Variants in EPS8L2 observed in about 807,000 individuals in gnomAD.
The protein encoded by EPS8L2 is EPS8 signaling adaptor L2, also known as epidermal growth factor receptor kinase substrate 8-like protein 2.
A neutral mutation model predicts 99.4 loss-of-function variants in EPS8L2; 81 were observed. That is an observed-to-expected ratio of 0.82 (90% CI 0.68 to 0.98). The LOEUF (loss-of-function observed/expected upper bound fraction) is 0.98, where lower values mean the gene tolerates loss of function less well. Ranked by LOEUF, EPS8L2 falls within the 50% of genes least tolerant of loss-of-function variation. The probability of loss-of-function intolerance (pLI) is 0.00; values close to 1 mark genes in which losing one functional copy is unlikely to be tolerated. For missense variants in EPS8L2, 1,155 were observed against 968.8 expected (o/e 1.19, Z -2.55); for synonymous variants, 509 against 407.3 (o/e 1.25, Z -3.01).
At position 709,449 on chromosome 11, in the gene EPS8L2, C is replaced by A. The variant is rs568821204; in HGVS notation, c.42C>A (p.Thr14=). 6.3e-7 allele frequency: 1 copy of A among 1,598,794 alleles called. No individual in the cohort carries two copies. The highest frequency in any genetic ancestry group is 2.3e-5 in the East Asian group (1 of 43,918). The change falls in exon 2 of 21, where the codon ACC becomes ACA. Residue 14 remains threonine, a splice_region_variant and synonymous_variant. Coordinates refer to ENST00000318562, the MANE Select transcript of EPS8L2 (RefSeq NM_022772.4). ...CCGTGAGCTGCTGCCCGGGTGCCAC[C>A]AAGTGAGCCCTCCCACCCATCCCGA... The part of the protein sequence containing the change: ...SGAVSCCPGA[T]NGSLGRSDGV...
intron 12 of EPS8L2, 114 bp downstream of exon 12, chr11:722,279 C>G (rs1051785337): frequency 6.5e-7 from 1 of 1,531,278 alleles, no homozygotes; most frequent in Admixed American, 1.7e-5. Context: ...GCCCGGTTCA[C>G]GCTGTGTGGC....
intron 4 of EPS8L2, among the ~76,000 whole-genome samples, chr11:718,540 A>G (rs964509605): frequency 2.0e-5 from 3 of 148,846 alleles, no homozygotes; most frequent in Non-Finnish European, 3.0e-5. Context: ...GGCTCAGTGC[A>G]GTGGCACGAA....
chr11:723,663 G>A (rs1862248823), intron 15 of EPS8L2, among the ~76,000 whole-genome samples: 1 of 152,090 alleles, frequency 6.6e-6, no homozygotes, highest in South Asian at 2.1e-4. Context: ...CCAAACACTG[G>A]CACCCTGTTG....
At chr11:723,209 T>G in intron 14 of EPS8L2, 32 bp from the exon 15 acceptor site, 6 of 1,186,422 alleles carry the variant, frequency 5.1e-6, no homozygotes, top group Non-Finnish European at 7.4e-6. Flanking sequence ...CCCCGCCCCA[T>G]GTCTAACTCA....
At chr11:721,248 G>GT in intron 8 of EPS8L2, 37 bp from the exon 9 acceptor site, 1 of 1,538,262 alleles carries the variant, frequency 6.5e-7, no homozygotes. Context: ...GGCTCGTTGT[G>GT]GGGGGCTCGG....
intron 4 of EPS8L2, among the ~76,000 whole-genome samples, chr11:717,234 C>CA (rs762461846): frequency 6.6e-6 from 1 of 152,298 alleles, no homozygotes; most frequent in Non-Finnish European, 1.5e-5. Context: ...CTTGGCCTCC[C>CA]AAAGTGCTGG....
At position 722,780 on chromosome 11, in the gene EPS8L2, G is replaced by A; in HGVS notation, c.1316G>A (p.Gly439Glu). ...CAGGAGGCCCCCTGGGAGGTGGAGG[G>A]GCTGGCGTCTGCCCCCATCGAGGAG... ...VLQEAPWEVE[G>E]LASAPIEEVS... The change falls in exon 14 of 21, where the codon GGG (glycine) becomes GAG (glutamate). Residue 439 changes from glycine (G) to glutamate (E), a missense_variant. Transcript: ENST00000318562. 1 of 1,593,578 alleles carries A rather than the reference G, an allele frequency of 6.3e-7. No homozygotes were observed. Among genetic ancestry groups the A allele is most frequent in the Non-Finnish European group, 8.5e-7 (1 of 1,172,256 alleles).
chr11:726,671 AAGG>A lies in EPS8L2; in HGVS notation c.1993_1995del (p.Glu665del). 1.9e-6 allele frequency: 3 copies of A among 1,574,428 alleles called. No homozygotes were observed. Among genetic ancestry groups the A allele is most frequent in the Admixed American group, 3.7e-5 (2 of 53,436 alleles). ...CGGGCCGCAGCTCTTCTCCCTCAAC[AAGG>A]AGGAGCTGAAGAAAGTGTGCGGCGA... is the stretch of plus-strand genomic sequence containing the variant. On this transcript the variant is annotated inframe_deletion, in exon 20 of 21. Transcript: ENST00000318562.
rs1590058185 is a variant in EPS8L2, at chr11:726,400, G to A, written c.1850G>A (p.Ser617Asn). 1.2e-6 allele frequency: 2 copies of A among 1,607,528 alleles called. No homozygotes were observed. The highest frequency in any genetic ancestry group is 1.7e-6 in the Non-Finnish European group (2 of 1,178,136). ...CAGAGGCACTTCCGCGTGGAGCGCAGCCAGCCCGTGAGCCAGCCGCTCACC... is the reference window on the plus strand; with the variant it reads ...CAGAGGCACTTCCGCGTGGAGCGCAACCAGCCCGTGAGCCAGCCGCTCACC... The part of the protein sequence containing the change: ...QPQRHFRVER[S>N]QPVSQPLTYE... The change falls in exon 19 of 21, where the codon AGC (serine) becomes AAC (asparagine). Residue 617 changes from serine to asparagine, a missense_variant. Physicochemically the swap from Ser to Asn is conservative, Grantham distance 46. Coordinates refer to ENST00000318562, the MANE Select transcript of EPS8L2 (RefSeq NM_022772.4).
chr11:712,585 C>T (rs927754044), intron 4 of EPS8L2, among the ~76,000 whole-genome samples: 2 of 152,246 alleles, frequency 1.3e-5, no homozygotes, highest in Non-Finnish European at 2.9e-5. Context: ...GGTCCTCCTG[C>T]AGGACCAGTC....
In EPS8L2 at chr11:721,705, G is replaced by A. The variant is rs767075540; in HGVS notation, c.895+14G>A. 2 of 1,601,856 alleles carry A rather than the reference G, an allele frequency of 1.2e-6. No individual in the cohort carries two copies. Among genetic ancestry groups the A allele is most frequent in the South Asian group, 2.2e-5 (2 of 90,374 alleles). On this transcript the variant is annotated intron_variant, in intron 10 of 20. Coordinates refer to ENST00000318562, the MANE Select transcript of EPS8L2 (RefSeq NM_022772.4). ...AGGCGCCAGCAGGTGCAGGGGACAG[G>A]GACGGGGCCGGCAGGTGCAGGGGAC...
chr11:715,219 GA>G (rs1054437358), intron 4 of EPS8L2, among the ~76,000 whole-genome samples: 5 of 151,584 alleles, frequency 3.3e-5, no homozygotes, highest in Non-Finnish European at 5.9e-5. Context: ...TCCAGCCTGG[GA>G]GACAGAGTGA....
chr11:724,075 T>C lies in EPS8L2; in HGVS notation c.1455-649T>C, dbSNP rs1862257223. Among the ~76,000 whole-genome samples the C allele has an allele frequency of 6.6e-6, 1 of 152,174 alleles. No homozygotes were observed. Among genetic ancestry groups the C allele is most frequent in the South Asian group, 2.1e-4 (1 of 4,834 alleles). ...GCTCCTGGTCTGTCCACCCTGGCCA[T>C]GTCCTGACAGTCCATGGCCACTTCA... is the stretch of plus-strand genomic sequence containing the variant. On this transcript the variant is annotated intron_variant, in intron 15 of 20. Transcript: ENST00000318562. The surrounding 1 kb of genome is among the most constrained non-coding windows in gnomAD (Gnocchi z 5.5).
Position 726,437 on chromosome 11 carries a change from T to A in EPS8L2, c.1887T>A (p.Gly629=), listed in dbSNP as rs373860629. 7 of 1,594,268 alleles carry A rather than the reference T, an allele frequency of 4.4e-6. No individual in the cohort carries two copies. In the African/African-American group the frequency reaches 8.1e-5, roughly 18 times the overall value. The change falls in exon 19 of 21, where the codon GGT becomes GGA. Residue 629 remains glycine (G), a synonymous_variant. Transcript: ENST00000318562. ...PVSQPLTYES[G]PDEVRAWLEA... ...GCCAGCCGCTCACCTACGAGTCGGG[T>A]CCGGACGAGGTCCGCGCCTGGCTGG...
intron 4 of EPS8L2, among the ~76,000 whole-genome samples, chr11:719,494 G>A (rs1362541021): frequency 1.3e-5 from 2 of 152,230 alleles, no homozygotes; most frequent in East Asian, 3.9e-4. Flanking sequence ...CAGATCCTCA[G>A]GGATGGACGC....
At chr11:721,812 C>G in intron 10 of EPS8L2, 91 bp from the exon 11 acceptor site, 1 of 1,508,574 alleles carries the variant, frequency 6.6e-7, no homozygotes, top group Non-Finnish European at 9.1e-7. Context: ...GGAGGAAGGT[C>G]CAGCCCACAC....
chr11:722,029 G>C, intron 11 of EPS8L2, 38 bp downstream of exon 11: 2 of 1,606,846 alleles, frequency 1.2e-6, no homozygotes, highest in Non-Finnish European at 1.7e-6. Context: ...CACTGTCTGT[G>C]CTGAGGGGAG....
chr11:716,181 C>T (rs1365232208), intron 4 of EPS8L2, among the ~76,000 whole-genome samples: 6 of 150,170 alleles, frequency 4.0e-5, no homozygotes, highest in Non-Finnish European at 8.9e-5. Flanking sequence ...CAGAGTCTCG[C>T]TCTGTCACCC....
intron 9 of EPS8L2, 101 bp downstream of exon 9, chr11:721,453 C>T (rs1862171809): frequency 9.4e-6 from 14 of 1,489,922 alleles, no homozygotes; most frequent in Admixed American, 2.5e-5. Flanking sequence ...CTGTGGCTGC[C>T]CCTCCGAAGG....
Sources: allele counts gnomAD v4.1 joint callset (sites outside exome capture counted in the v4.1 genomes callset), GRCh38; gene constraint gnomAD v4.1.1; non-coding constraint Gnocchi (gnomAD v3.1); transcripts MANE v1.5; gene names NCBI Gene and HGNC (gene_info 2026-07-23, HGNC 2026-07-21).